TENM4: variants seen among roughly 807,000 people sequenced by gnomAD.
The protein encoded by TENM4 is teneurin-4.
A neutral mutation model predicts 243.3 loss-of-function variants in TENM4; 82 were observed. The ratio of observed to expected loss-of-function variants is 0.34; its 90% confidence interval spans 0.28 to 0.40. The LOEUF (loss-of-function observed/expected upper bound fraction) is 0.40. Ranked by LOEUF, TENM4 falls within the 10% of genes least tolerant of loss-of-function variation. The pLI is 1.00. For missense variants in TENM4, 3,138 were observed against 3,673.3 expected (o/e 0.85, Z 3.77); for synonymous variants, 1,412 against 1,456.3 (o/e 0.97, Z 0.69).
intron 4 of TENM4, among the ~76,000 whole-genome samples, chr11:79,147,145 AT>A (rs1862409199): frequency 6.6e-6 from 1 of 152,128 alleles, no homozygotes; most frequent in African/African-American, 2.4e-5. Context: ...TTTGCAAAGT[AT>A]TGATACAGTC....
intron 1 of TENM4, among the ~76,000 whole-genome samples, chr11:79,409,082 GTGTGT>G (rs1858633577): frequency 8.5e-6 from 1 of 117,644 alleles, no homozygotes; most frequent in Non-Finnish European, 1.8e-5. Flanking sequence ...GTGTGTGTGT[GTGTGT>G]GTGTGTGTGT....
intron 1 of TENM4, among the ~76,000 whole-genome samples, chr11:79,308,630 C>T (rs2135409501): frequency 6.6e-6 from 1 of 152,296 alleles, no homozygotes; most frequent in African/African-American, 2.4e-5. Flanking sequence ...CAGCAGTGAC[C>T]TCACTTTACA....
At chr11:79,317,448 G>A (rs181657686) in intron 1 of TENM4, among the ~76,000 whole-genome samples, 6 of 152,212 alleles carry the variant, frequency 3.9e-5, no homozygotes, top group South Asian at 2.1e-4. Context: ...TAAGTTCCTC[G>A]GAACCCTAAG....
At chr11:79,189,834 C>A (rs1863444458) in intron 3 of TENM4, among the ~76,000 whole-genome samples, 1 of 152,196 alleles carries the variant, frequency 6.6e-6, no homozygotes, top group South Asian at 2.1e-4. Flanking sequence ...CTGGTTTTGC[C>A]AACTCAGACT....
Position 78,904,359 on chromosome 11 carries a change from CAAA to C in TENM4, c.494-839_494-837del, listed in dbSNP as rs61503457. Reference sequence around the variant, plus strand: ...TGAGCTACAGAGCAAGACTCTGTCTCAAAAAAAAAAAAAAAAGTAAAACATAGA... The same window carrying C: ...TGAGCTACAGAGCAAGACTCTGTCTCAAAAAAAAAAAAAGTAAAACATAGA... On this transcript the variant is annotated intron_variant, in intron 6 of 33. Coordinates refer to ENST00000278550, the MANE Select transcript of TENM4 (RefSeq NM_001098816.3). 1.7e-4 allele frequency among the ~76,000 whole-genome samples: 13 copies of C among 77,242 alleles called. 1 individual carries two copies. Among genetic ancestry groups the C allele is most frequent in the Non-Finnish European group, 2.1e-4 (9 of 43,784 alleles). The allele number at this position is 77,242 out of a possible 152,430, so 50.7% of individuals were successfully genotyped here.
chr11:79,315,384 C>T (rs1325812480), intron 1 of TENM4, among the ~76,000 whole-genome samples: 1 of 152,196 alleles, frequency 6.6e-6, no homozygotes, highest in Admixed American at 6.5e-5. Context: ...CATTCTGCAA[C>T]ATCACATGGC....
chr11:79,400,545 G>T (rs1178283365), intron 1 of TENM4, among the ~76,000 whole-genome samples: 2 of 152,086 alleles, frequency 1.3e-5, no homozygotes, highest in African/African-American at 4.8e-5. Flanking sequence ...TGCTCTTCCT[G>T]GAACTTCAGA....
chr11:79,322,479 T>C (rs571504757), intron 1 of TENM4, among the ~76,000 whole-genome samples: 91 of 152,314 alleles, frequency 6.0e-4, no homozygotes, highest in African/African-American at 2.1e-3. Context: ...TCCTTTAGTA[T>C]AGGATGTGTC....
chr11:78,917,685 G>T (rs554477718), intron 6 of TENM4, among the ~76,000 whole-genome samples: 4 of 152,106 alleles, frequency 2.6e-5, no homozygotes, highest in African/African-American at 9.7e-5. Flanking sequence ...AATATTGAAG[G>T]CTTGCTGGGC....
chr11:78,862,837 G>A (rs1250320595), intron 10 of TENM4, 125 bp downstream of exon 10: 29 of 1,029,644 alleles, frequency 2.8e-5, no homozygotes, highest in Middle Eastern at 3.5e-4. Context: ...GAGTGTGGAA[G>A]GATGGAGGGA....
chr11:79,078,104 G>GA (rs1310283721), intron 4 of TENM4, among the ~76,000 whole-genome samples: 1 of 152,114 alleles, frequency 6.6e-6, no homozygotes, highest in Non-Finnish European at 1.5e-5. Context: ...TACAGTGCTC[G>GA]AAAAAACCTC....
intron 3 of TENM4, among the ~76,000 whole-genome samples, chr11:79,208,754 C>T (rs758110717): frequency 3.3e-5 from 5 of 152,256 alleles, no homozygotes; most frequent in Middle Eastern, 6.8e-3. Flanking sequence ...ATCTAATAGG[C>T]GCTCAACAAA....
chr11:78,673,283 C>T (rs1010184835), intron 30 of TENM4, among the ~76,000 whole-genome samples: 1 of 152,078 alleles, frequency 6.6e-6, no homozygotes, highest in African/African-American at 2.4e-5. Flanking sequence ...CATTGGTGGC[C>T]CCTGAAATAT....
At chr11:78,698,336 G>A (rs912205246) in intron 28 of TENM4, among the ~76,000 whole-genome samples, 13 of 152,138 alleles carry the variant, frequency 8.5e-5, no homozygotes, top group Middle Eastern at 3.4e-3. Context: ...GCAGTGAGCC[G>A]AGATCGCACC....
chr11:78,890,194 T>C (rs995452043), intron 8 of TENM4, among the ~76,000 whole-genome samples, 174 bp from the exon 9 acceptor site: 11 of 151,486 alleles, frequency 7.3e-5, no homozygotes, highest in Middle Eastern at 3.4e-3. Context: ...GACTAGACCA[T>C]GGAACAGGGC....
intron 9 of TENM4, among the ~76,000 whole-genome samples, chr11:78,863,375 C>T (rs918191871): frequency 5.3e-5 from 8 of 152,114 alleles, no homozygotes; most frequent in Non-Finnish European, 7.4e-5. Flanking sequence ...TAGGCAGGAT[C>T]GGGGAGTCTC....
At chr11:79,232,142 C>T (rs1864385098) in intron 2 of TENM4, among the ~76,000 whole-genome samples, 1 of 152,128 alleles carries the variant, frequency 6.6e-6, no homozygotes, top group African/African-American at 2.4e-5. Context: ...TAAAACCCCA[C>T]TACTCCAAGA....
chr11:78,725,929 G>T (rs1360569088), intron 23 of TENM4, 150 bp downstream of exon 23: 4 of 1,051,002 alleles, frequency 3.8e-6, no homozygotes, highest in Non-Finnish European at 4.2e-6. Flanking sequence ...GCTCAGAGGA[G>T]GTCTTCAAGC....
chr11:78,800,512 T>C (rs1857259159), intron 15 of TENM4, among the ~76,000 whole-genome samples: 1 of 151,458 alleles, frequency 6.6e-6, no homozygotes, highest in South Asian at 2.1e-4. Context: ...GGAGGTGGAG[T>C]CCTGAGAGAA....
Sources: gnomAD v4.1 joint callset for allele counts (sites outside exome capture counted in the v4.1 genomes callset) on GRCh38, gnomAD v4.1.1 for gene constraint, MANE v1.5 for transcripts, NCBI Gene and HGNC (gene_info 2026-07-23, HGNC 2026-07-21) for gene names.